Variants in CGNL1 observed in about 807,000 individuals in gnomAD.
CGNL1 encodes cingulin like 1, also known as cingulin-like protein 1.
Under a neutral mutation model 141.2 loss-of-function variants are expected in CGNL1, and 132 were observed. The ratio of observed to expected loss-of-function variants is 0.93; its 90% CI spans 0.81 to 1.08. CGNL1 has a LOEUF of 1.08. CGNL1 is among the 50% of genes least tolerant of loss of function. The pLI, the probability that CGNL1 is intolerant of heterozygous loss-of-function variation, is 0.00. For synonymous variants in CGNL1, 690 were observed against 622.1 expected (o/e 1.11, Z -1.63); for missense variants, 1,870 against 1,588.6 (o/e 1.18, Z -3.01).
In CGNL1 at chr15:57,516,834, A is replaced by C. The variant is rs878946662; in HGVS notation, c.2458A>C (p.Thr820Pro). The C allele has an allele frequency of 6.2e-7, 1 of 1,614,150 alleles. No homozygotes were observed. The highest frequency in any genetic ancestry group is 1.1e-5 in the South Asian group (1 of 91,076). The change falls in exon 9 of 19, where the codon ACT becomes CCT. Residue 820 changes from threonine to proline, a missense_variant. By Grantham distance (38) the Thr-to-Pro change is conservative (BLOSUM62 -1). Coordinates refer to ENST00000281282, the MANE Select transcript of CGNL1 (RefSeq NM_032866.5). ...SNTSEQDQAGTEMRVKLLQEE... is the reference protein window; with the variant it reads ...SNTSEQDQAGPEMRVKLLQEE... ...CACTTCAGAGCAAGACCAGGCGGGG[A>C]CTGAAATGCGCGTGAAGCTTCTGCA... is the stretch of plus-strand genomic sequence containing the variant.
At chr15:57,512,576 T>C (rs1392600836) in intron 8 of CGNL1, among the ~76,000 whole-genome samples, 1 of 152,198 alleles carries the variant, frequency 6.6e-6, no homozygotes, top group Non-Finnish European at 1.5e-5. Flanking sequence ...CCCATGCCAC[T>C]GAAAGTTAAG....
intron 8 of CGNL1, among the ~76,000 whole-genome samples, chr15:57,480,087 C>A (rs533668077): frequency 1.3e-5 from 2 of 152,096 alleles, no homozygotes; most frequent in Non-Finnish European, 2.9e-5. Context: ...TATGTGGTTA[C>A]TAAATAAGTG....
Position 57,438,362 on chromosome 15 carries a change from G to A in CGNL1, c.363G>A (p.Leu121=), listed in dbSNP as rs752938070. 6.2e-7 allele frequency: 1 copy of A among 1,614,126 alleles called. No individual in the cohort carries two copies. Among genetic ancestry groups the A allele is most frequent in the Non-Finnish European group, 8.5e-7 (1 of 1,180,024 alleles). Residue 121 remains leucine, a synonymous_variant, in exon 2 of 19, where the codon CTG becomes CTA. Coordinates refer to ENST00000281282, the MANE Select transcript of CGNL1 (RefSeq NM_032866.5). The part of the protein sequence containing the change: ...PSPIRNLKQP[L]LHEGKNGVLD... ...CAATAAGAAACCTGAAACAGCCCCT[G>A]CTCCATGAGGGCAAGAATGGAGTTC...
In CGNL1 at chr15:57,435,407, G is replaced by GTT. The variant is rs1249529527; in HGVS notation, c.-15-2572_-15-2571dup. ...TAGAAGAAATAGCTGAAATTTGCAG[G>GTT]TTTTTTTGTTTTTTTTTTTTTCCTC... On this transcript the variant is annotated intron_variant, in intron 1 of 18. Transcript: ENST00000281282. 3.9e-4 allele frequency among the ~76,000 whole-genome samples: 38 copies of GTT among 96,912 alleles called. 2 individuals carry two copies. The highest frequency in any genetic ancestry group is 1.2e-3 in the Admixed American group (12 of 9,780). 63.6% of individuals were successfully genotyped at this position (96,912 alleles called of 152,430 possible).
At chr15:57,420,563 C>T (rs751410885) in intron 1 of CGNL1, among the ~76,000 whole-genome samples, 3 of 152,156 alleles carry the variant, frequency 2.0e-5, no homozygotes, top group East Asian at 1.9e-4. Flanking sequence ...ATAGTGGTTT[C>T]GGAATCGTTA....
At chr15:57,536,458 TCTGA>T (rs1194157619) in intron 14 of CGNL1, among the ~76,000 whole-genome samples, 1 of 152,196 alleles carries the variant, frequency 6.6e-6, no homozygotes, top group Non-Finnish European at 1.5e-5. Context: ...TGTTTTCAAG[TCTGA>T]CTGCTATGAA....
At chr15:57,516,305 G>T (rs1192920055) in intron 8 of CGNL1, among the ~76,000 whole-genome samples, 1 of 152,140 alleles carries the variant, frequency 6.6e-6, no homozygotes, top group Admixed American at 6.5e-5. Context: ...AGTGATCTTG[G>T]ACAAGTTACT....
chr15:57,500,513 C>T (rs1294275114), intron 8 of CGNL1, among the ~76,000 whole-genome samples: 1 of 152,202 alleles, frequency 6.6e-6, no homozygotes, highest in Non-Finnish European at 1.5e-5. Context: ...GAACGTCAGG[C>T]CCCTCCTGAG....
At chr15:57,487,866 T>G (rs2063805941) in intron 8 of CGNL1, among the ~76,000 whole-genome samples, 3 of 152,186 alleles carry the variant, frequency 2.0e-5, no homozygotes, top group Admixed American at 2.0e-4. Flanking sequence ...TGGATATAGT[T>G]TTCGAGTATA....
intron 8 of CGNL1, among the ~76,000 whole-genome samples, chr15:57,515,195 C>A (rs1330588040): frequency 6.6e-6 from 1 of 152,182 alleles, no homozygotes; most frequent in Non-Finnish European, 1.5e-5. Flanking sequence ...CCTGATAGAC[C>A]TGAGAAGTCT....
chr15:57,405,585 G>A (rs937629097), intron 1 of CGNL1, among the ~76,000 whole-genome samples: 1 of 152,170 alleles, frequency 6.6e-6, no homozygotes, highest in Non-Finnish European at 1.5e-5. Context: ...CTTGGTGAGT[G>A]GGGAGCAGAG....
chr15:57,474,566 C>T (rs1272105932), intron 8 of CGNL1, among the ~76,000 whole-genome samples: 6 of 152,178 alleles, frequency 3.9e-5, no homozygotes, highest in Admixed American at 3.9e-4. Context: ...AAATAAAGGA[C>T]ACCCGCATAG....
intron 12 of CGNL1, among the ~76,000 whole-genome samples, chr15:57,525,495 A>G (rs2031553013): frequency 6.6e-6 from 1 of 152,234 alleles, no homozygotes; most frequent in African/African-American, 2.4e-5. Flanking sequence ...CTCTTTAAAA[A>G]TATACCAAAT....
In CGNL1 at chr15:57,518,981, G is replaced by T. The variant is rs544304568; in HGVS notation, c.2715+484G>T. ...GGCAGAAGCCAATTTCCTTTCTCCT[G>T]TGGGCAAATGCACTCTATAGAGTAC... On this transcript the variant is annotated intron_variant, in intron 10 of 18. Transcript: ENST00000281282. Among the ~76,000 whole-genome samples, 23 of 152,358 alleles carry T rather than the reference G, an allele frequency of 1.5e-4. No individual in the cohort carries two copies. The South Asian group carries it at 3.9e-3, about 26-fold the overall frequency.
chr15:57,412,604 T>C (rs556111782), intron 1 of CGNL1, among the ~76,000 whole-genome samples: 8 of 152,342 alleles, frequency 5.3e-5, no homozygotes, highest in Admixed American at 3.9e-4. Context: ...GGGGAACTCA[T>C]TGTCTCCTGA....
At chr15:57,445,345 C>T (rs1228989045) in intron 4 of CGNL1, among the ~76,000 whole-genome samples, 2 of 152,200 alleles carry the variant, frequency 1.3e-5, no homozygotes, top group Admixed American at 1.3e-4. Flanking sequence ...CCTATTACAG[C>T]TCCATGACTG....
intron 1 of CGNL1, among the ~76,000 whole-genome samples, chr15:57,413,475 G>A (rs1208589861): frequency 2.0e-5 from 3 of 152,086 alleles, no homozygotes; most frequent in South Asian, 2.1e-4. Context: ...TTGCCCAGGG[G>A]TTGTCCCTAG....
chr15:57,495,863 G>A (rs1229467334), intron 8 of CGNL1, among the ~76,000 whole-genome samples: 1 of 152,162 alleles, frequency 6.6e-6, no homozygotes, highest in African/African-American at 2.4e-5. Flanking sequence ...GAATTGGGAA[G>A]ACATCTATTT....
intron 14 of CGNL1, among the ~76,000 whole-genome samples, chr15:57,539,209 TC>T (rs2032431702): frequency 6.6e-6 from 1 of 152,074 alleles, no homozygotes; most frequent in Non-Finnish European, 1.5e-5. Flanking sequence ...CTACAAGCCT[TC>T]AGTTTTTCTT....
Sources: allele counts gnomAD v4.1 joint callset (sites outside exome capture counted in the v4.1 genomes callset), GRCh38; gene constraint gnomAD v4.1.1; transcripts MANE v1.5; gene names NCBI Gene and HGNC (gene_info 2026-07-23, HGNC 2026-07-21).